CNTN4: variants seen among roughly 807,000 people sequenced by gnomAD.
CNTN4 encodes contactin-4.
A neutral mutation model predicts 122.5 loss-of-function variants in CNTN4; 77 were observed. The observed-to-expected ratio is 0.63, with a 90% CI of 0.52 to 0.76. CNTN4 has a LOEUF of 0.76. CNTN4 is among the 30% of genes least tolerant of loss of function. The pLI, the probability that CNTN4 is intolerant of heterozygous loss-of-function variation, is 0.00. For synonymous variants in CNTN4, 512 were observed against 447.0 expected, an observed-to-expected ratio of 1.15 and a Z score of -1.83; for missense variants, 1,256 against 1,259.1, an observed-to-expected ratio of 1.00 and a Z score of 0.04.
chr3:2,103,362 T>C (rs1419208257), intron 2 of CNTN4, among the ~76,000 whole-genome samples: 1 of 152,200 alleles, frequency 6.6e-6, no homozygotes, highest in Non-Finnish European at 1.5e-5. Context: ...TTATCTTGAA[T>C]ACCTACCAGG....
intron 4 of CNTN4, among the ~76,000 whole-genome samples, chr3:2,713,073 T>C (rs2087250019): frequency 6.6e-6 from 1 of 152,216 alleles, no homozygotes; most frequent in Admixed American, 6.5e-5. Context: ...CAGTGGGTCA[T>C]GGGAACCTCA....
rs370081409 is a variant in CNTN4 at position 2,544,044 on chromosome 3, A to T, written c.-88-27372A>T. Reference sequence around the variant, plus strand: ...GAGAATCCTTATTATTAATTTGTTAATTCAGAAACCTTTCTTGAGTAAGCT... The same window carrying T: ...GAGAATCCTTATTATTAATTTGTTATTTCAGAAACCTTTCTTGAGTAAGCT... On this transcript the variant is annotated intron_variant, in intron 3 of 24. Transcript: ENST00000418658. Among the ~76,000 whole-genome samples the T allele has an allele frequency of 2.6e-5, 4 of 152,258 alleles. No homozygotes were observed. In the South Asian group the frequency reaches 8.3e-4, roughly 32 times the overall value.
chr3:2,913,703 A>G lies in CNTN4; in HGVS notation c.1207+10698A>G, dbSNP rs183252582. On this transcript the variant is annotated intron_variant, in intron 12 of 24. Transcript: ENST00000418658. ...GAACTGAAGAGAGAAATAGCAGCAC[A>G]ATAGTAGGATACTTTGATACTCTAT... 6.7e-4 allele frequency among the ~76,000 whole-genome samples: 102 copies of G among 152,330 alleles called. 2 individuals are homozygous for G. The highest frequency in any genetic ancestry group is 1.1e-3 in the Non-Finnish European group (78 of 68,026).
At chr3:2,410,451 A>G (rs1212540156) in intron 3 of CNTN4, among the ~76,000 whole-genome samples, 1 of 152,244 alleles carries the variant, frequency 6.6e-6, no homozygotes, top group Non-Finnish European at 1.5e-5. Context: ...GGCAGTGGAA[A>G]TAGAAAATGA....
chr3:2,980,134 T>A (rs1693824859), intron 13 of CNTN4, among the ~76,000 whole-genome samples: 1 of 152,216 alleles, frequency 6.6e-6, no homozygotes, highest in African/African-American at 2.4e-5. Context: ...TCAATTTATC[T>A]CCTGAGTCCA....
intron 7 of CNTN4, among the ~76,000 whole-genome samples, chr3:2,858,615 T>C (rs1466471862): frequency 1.3e-5 from 2 of 151,746 alleles, no homozygotes; most frequent in African/African-American, 4.8e-5. Flanking sequence ...TGGTCCCACT[T>C]GGGAGGCCGA....
intron 4 of CNTN4, among the ~76,000 whole-genome samples, chr3:2,614,570 G>T (rs977618205): frequency 3.3e-5 from 5 of 152,126 alleles, no homozygotes; most frequent in African/African-American, 1.2e-4. Context: ...CAGGATGTTT[G>T]GGAGATAGGA....
At chr3:3,004,360 G>A (rs185858140) in intron 14 of CNTN4, among the ~76,000 whole-genome samples, 1 of 152,158 alleles carries the variant, frequency 6.6e-6, no homozygotes, top group African/African-American at 2.4e-5. Flanking sequence ...AACACTGTTG[G>A]AGAATAGTCC....
At chr3:2,874,162 A>T (rs936178280) in intron 8 of CNTN4, among the ~76,000 whole-genome samples, 3 of 152,198 alleles carry the variant, frequency 2.0e-5, no homozygotes, top group Admixed American at 6.5e-5. Context: ...TTAGACCTCT[A>T]GCATAGCCAA....
intron 3 of CNTN4, among the ~76,000 whole-genome samples, chr3:2,487,440 G>A (rs926701374): frequency 1.4e-4 from 22 of 152,214 alleles, no homozygotes; most frequent in East Asian, 9.7e-4. Flanking sequence ...TACCAGCCAA[G>A]CATTTATCCT....
intron 2 of CNTN4, among the ~76,000 whole-genome samples, chr3:2,291,819 C>T (rs4685506): frequency 0.054 from 8,282 of 152,032 alleles, 254 homozygotes; most frequent in Middle Eastern, 0.071. Flanking sequence ...CTGCAACCTC[C>T]GCCTCCCAGG....
intron 3 of CNTN4, among the ~76,000 whole-genome samples, chr3:2,422,127 AGTT>A (rs1221651114): frequency 6.6e-6 from 1 of 152,238 alleles, no homozygotes. Flanking sequence ...CCAGAGGTGA[AGTT>A]GTACAGAATT....
rs544770825 is a variant in CNTN4, at chr3:2,992,845, TTC to T, written c.1486+4374_1486+4375del. Reference sequence around the variant, plus strand: ...GAAACACTGTCCTACACCAAAGAACTTCGTACATGCATGCCACCTAGCAAGTG... The same window carrying T: ...GAAACACTGTCCTACACCAAAGAACTGTACATGCATGCCACCTAGCAAGTG... On this transcript the variant is annotated intron_variant, in intron 14 of 24. Transcript: ENST00000418658. 1.1e-4 allele frequency among the ~76,000 whole-genome samples: 17 copies of T among 152,292 alleles called. No homozygotes were observed. In the East Asian group the frequency reaches 3.1e-3, roughly 28 times the overall value.
intron 3 of CNTN4, among the ~76,000 whole-genome samples, chr3:2,534,030 A>T (rs2077702177): frequency 6.6e-6 from 1 of 151,896 alleles, no homozygotes; most frequent in African/African-American, 2.4e-5. Context: ...AGTAGATTGC[A>T]AAAATTTTCT....
chr3:2,604,753 T>A (rs1238399703), intron 4 of CNTN4, among the ~76,000 whole-genome samples: 1 of 152,244 alleles, frequency 6.6e-6, no homozygotes, highest in East Asian at 1.9e-4. Flanking sequence ...GAGATAAGAA[T>A]ACACCCATGA....
At chr3:3,017,942 C>T (rs1261749769) in intron 14 of CNTN4, among the ~76,000 whole-genome samples, 1 of 152,152 alleles carries the variant, frequency 6.6e-6, no homozygotes, top group Non-Finnish European at 1.5e-5. Context: ...GATAACCTCA[C>T]CAACCCCATC....
intron 6 of CNTN4, among the ~76,000 whole-genome samples, chr3:2,746,839 G>A (rs1174590005): frequency 1.3e-5 from 2 of 152,190 alleles, no homozygotes; most frequent in Non-Finnish European, 2.9e-5. Flanking sequence ...ATTCGTAGGT[G>A]TTTAGAATAA....
chr3:3,005,215 G>A (rs1300287413), intron 14 of CNTN4, among the ~76,000 whole-genome samples: 1 of 152,030 alleles, frequency 6.6e-6, no homozygotes, highest in Admixed American at 6.5e-5. Flanking sequence ...AAATCACTTG[G>A]CCACATCCTT....
In CNTN4 at chr3:2,776,390, G is replaced by A. The variant is rs545845550; in HGVS notation, c.358+30693G>A. ...GAAGGATGTAATAGTCAAAGGGTCT[G>A]TTGTCTCAGTCAAGGGGTCCTCTAT... On this transcript the variant is annotated intron_variant, in intron 6 of 24. Transcript: ENST00000418658. Among the ~76,000 whole-genome samples, 3 of 150,608 alleles carry A rather than the reference G, an allele frequency of 2.0e-5. No individual in the cohort carries two copies. In the East Asian group the frequency reaches 5.9e-4, roughly 30 times the overall value.
Sources: allele counts gnomAD v4.1 joint callset (sites outside exome capture counted in the v4.1 genomes callset), GRCh38; gene constraint gnomAD v4.1.1; transcripts MANE v1.5; gene names NCBI Gene and HGNC (gene_info 2026-07-23, HGNC 2026-07-21).